RHEB: variants seen among roughly 807,000 people sequenced by gnomAD.
RHEB encodes Ras homolog, mTORC1 binding.
RHEB carries 2 observed loss-of-function variants against 28.8 expected under a neutral mutation model. The observed-to-expected ratio is 0.07, with a 90% CI of 0.03 to 0.22. RHEB has a LOEUF of 0.22. Among genes scored for constraint, RHEB ranks in the 10% least tolerant of loss-of-function variants. RHEB has a pLI of 1.00. For synonymous variants in RHEB, 69 were observed against 77.3 expected (o/e 0.89, Z 0.56); for missense variants, 76 against 219.9 (o/e 0.35, Z 4.14).
intron 1 of RHEB, among the ~76,000 whole-genome samples, chr7:151,517,419 T>G (rs965462998): frequency 8.0e-5 from 12 of 149,570 alleles, no homozygotes; most frequent in Non-Finnish European, 1.8e-4. Context: ...CAACTTAACC[T>G]CTCCAAAATC....
At chr7:151,503,640 T>C (rs1802812433) in intron 1 of RHEB, among the ~76,000 whole-genome samples, 1 of 152,182 alleles carries the variant, frequency 6.6e-6, no homozygotes, top group Non-Finnish European at 1.5e-5. Context: ...ACACTTTGTT[T>C]TGTCATGGTG....
intron 1 of RHEB, among the ~76,000 whole-genome samples, chr7:151,516,149 C>T (rs1357945549): frequency 6.6e-6 from 1 of 152,200 alleles, no homozygotes. Flanking sequence ...TAATACAAAG[C>T]ACTCCCTGAA....
In RHEB at chr7:151,467,216, A is replaced by G; in HGVS notation, c.463-5T>C. 1 of 1,601,626 alleles carries G rather than the reference A, an allele frequency of 6.2e-7. No individual in the cohort carries two copies. The highest frequency in any genetic ancestry group is 1.1e-5 in the South Asian group (1 of 90,836). ...TCGAAAAACATCCACAGCAGTCTGA[A>G]AAGAGAAAGAAACCCAATCACAGTG... On this transcript the variant is annotated splice_region_variant and splice_polypyrimidine_tract_variant and intron_variant, in intron 7 of 7. Transcript: ENST00000262187.
intron 1 of RHEB, among the ~76,000 whole-genome samples, chr7:151,494,487 G>A (rs1272811954): frequency 1.3e-5 from 2 of 152,184 alleles, no homozygotes; most frequent in Admixed American, 1.3e-4. Context: ...TATCACAATG[G>A]GCATACACTA....
intron 3 of RHEB, 30 bp from the exon 4 acceptor site, chr7:151,477,445 G>C (rs1249600253): frequency 1.6e-6 from 2 of 1,282,970 alleles, no homozygotes; most frequent in Non-Finnish European, 2.2e-6. Context: ...TCTTTGAGTA[G>C]TCTTCATATA....
chr7:151,517,463 A>G (rs1803102361), intron 1 of RHEB, among the ~76,000 whole-genome samples: 1 of 151,870 alleles, frequency 6.6e-6, no homozygotes, highest in South Asian at 2.1e-4. Context: ...ATAAATATGG[A>G]GAAGTGGGGT....
At chr7:151,504,875 A>G (rs1019493074) in intron 1 of RHEB, among the ~76,000 whole-genome samples, 2 of 152,152 alleles carry the variant, frequency 1.3e-5, no homozygotes, top group African/African-American at 4.8e-5. Context: ...CTCAAAAAAA[A>G]AAAAGAAATT....
intron 4 of RHEB, among the ~76,000 whole-genome samples, chr7:151,473,861 T>G (rs897139715): frequency 1.3e-5 from 2 of 152,242 alleles, no homozygotes; most frequent in Non-Finnish European, 2.9e-5. Flanking sequence ...ATACTGTGAG[T>G]TGATCTACTA....
Position 151,468,285 on chromosome 7 carries a change from C to T in RHEB, c.463-1074G>A, listed in dbSNP as rs4726029. Among the ~76,000 whole-genome samples, 63,746 of 152,132 alleles carry T rather than the reference C, an allele frequency of 0.42. 14,749 individuals carry two copies. The highest frequency in any genetic ancestry group is 0.6 in the South Asian group (2,876 of 4,816). ...TTGTTGACCCTATTATTACATCTCC[C>T]CTGTCCCTTAACCACTTCTTGCTGC... On this transcript the variant is annotated intron_variant, in intron 7 of 7. Transcript: ENST00000262187. The surrounding 1 kb of genome is among the most constrained non-coding windows in gnomAD (Gnocchi z 4.3).
chr7:151,480,621 A>G (rs1394365329), intron 3 of RHEB, among the ~76,000 whole-genome samples: 1 of 152,150 alleles, frequency 6.6e-6, no homozygotes, highest in Non-Finnish European at 1.5e-5. Flanking sequence ...TCAATTTTCA[A>G]AAAAGCAAAT....
chr7:151,478,019 AAG>A (rs1187572305), intron 3 of RHEB, among the ~76,000 whole-genome samples: 3 of 152,198 alleles, frequency 2.0e-5, no homozygotes, highest in East Asian at 1.9e-4. Context: ...TTTGGGGACC[AAG>A]AGAGTTATTT....
chr7:151,495,401 C>T (rs149799279), intron 1 of RHEB, among the ~76,000 whole-genome samples: 1,611 of 152,278 alleles, frequency 0.011, 12 homozygotes, highest in Non-Finnish European at 0.015. Context: ...CCAAAACCCA[C>T]CTTAACTTTT....
At chr7:151,480,689 AT>A (rs57126783) in intron 3 of RHEB, among the ~76,000 whole-genome samples, 34 of 147,794 alleles carry the variant, frequency 2.3e-4, no homozygotes, top group South Asian at 4.2e-4. Context: ...ATTAATTATT[AT>A]TTTTTTTTTT....
At chr7:151,504,549 G>A (rs1424251056) in intron 1 of RHEB, among the ~76,000 whole-genome samples, 10 of 152,134 alleles carry the variant, frequency 6.6e-5, no homozygotes, top group Non-Finnish European at 2.9e-5. Flanking sequence ...CTATAAGTGG[G>A]CCCACACAGT....
At chr7:151,485,533 G>A (rs574706770) in intron 2 of RHEB, among the ~76,000 whole-genome samples, 1 of 152,202 alleles carries the variant, frequency 6.6e-6, no homozygotes, top group Non-Finnish European at 1.5e-5. Flanking sequence ...AAGTGGAACA[G>A]ATTTATCTTG....
At chr7:151,487,936 A>G (rs1412836585) in intron 2 of RHEB, among the ~76,000 whole-genome samples, 1 of 152,198 alleles carries the variant, frequency 6.6e-6, no homozygotes, top group Admixed American at 6.5e-5. Context: ...TTGTGTTACT[A>G]AAGTGTGGTG....
intron 3 of RHEB, among the ~76,000 whole-genome samples, chr7:151,482,662 C>T (rs1802399223): frequency 6.6e-6 from 1 of 152,170 alleles, no homozygotes; most frequent in Non-Finnish European, 1.5e-5. Context: ...GTGTCAGAGT[C>T]CCACAATAAA....
intron 2 of RHEB, among the ~76,000 whole-genome samples, chr7:151,485,962 T>A (rs1802467096): frequency 6.6e-6 from 1 of 152,216 alleles, no homozygotes; most frequent in Non-Finnish European, 1.5e-5. Context: ...TAGGAAACAG[T>A]TAAATCAGAT....
At chr7:151,473,726 T>C (rs1282155872) in intron 4 of RHEB, among the ~76,000 whole-genome samples, 1 of 151,970 alleles carries the variant, frequency 6.6e-6, no homozygotes, top group Non-Finnish European at 1.5e-5. Flanking sequence ...AGGCATTATT[T>C]AAAACAGCCC....
Sources: allele counts gnomAD v4.1 joint callset (sites outside exome capture counted in the v4.1 genomes callset), GRCh38; gene constraint gnomAD v4.1.1; non-coding constraint Gnocchi (gnomAD v3.1); transcripts MANE v1.5; gene names NCBI Gene and HGNC (gene_info 2026-07-23, HGNC 2026-07-21).